The following CYFIP2 variants were observed in gnomAD, a reference collection of about 807,000 sequenced individuals.
CYFIP2 encodes cytoplasmic FMR1 interacting protein 2, also known as cytoplasmic FMR1-interacting protein 2.
Under a neutral mutation model 158.7 loss-of-function variants are expected in CYFIP2, and 29 were observed. The observed-to-expected ratio is 0.18, with a 90% CI of 0.14 to 0.25. The LOEUF is 0.25. Among genes scored for constraint, CYFIP2 ranks in the 10% least tolerant of loss-of-function variants. CYFIP2 has a pLI of 1.00. For missense variants in CYFIP2, 852 were observed against 1,639.5 expected, an observed-to-expected ratio of 0.52 and a Z score of 8.29; for synonymous variants, 585 against 617.6, an observed-to-expected ratio of 0.95 and a Z score of 0.78.
At chr5:157,352,217 G>C (rs1763120056) in intron 23 of CYFIP2, among the ~76,000 whole-genome samples, 1 of 152,146 alleles carries the variant, frequency 6.6e-6, no homozygotes, top group African/African-American at 2.4e-5. Flanking sequence ...GGTGTGATCT[G>C]TTTGGCCTGG....
At chr5:157,325,354 C>T in intron 16 of CYFIP2, 128 bp from the exon 17 acceptor site, 1 of 1,005,604 alleles carries the variant, frequency 9.9e-7, no homozygotes, top group Non-Finnish European at 1.3e-6. Flanking sequence ...GCAGGATCTA[C>T]TAATCAATAT....
intron 30 of CYFIP2, among the ~76,000 whole-genome samples, chr5:157,391,864 G>C (rs186274889): frequency 6.6e-6 from 1 of 152,256 alleles, no homozygotes; most frequent in East Asian, 1.9e-4. Context: ...GTTTTCCATA[G>C]TGGCTGCACA....
At chr5:157,279,363 A>T (rs979628653) in intron 1 of CYFIP2, among the ~76,000 whole-genome samples, 7 of 152,382 alleles carry the variant, frequency 4.6e-5, no homozygotes, top group African/African-American at 1.7e-4. Flanking sequence ...AAAAGTCTTA[A>T]TATTTCATTT....
intron 2 of CYFIP2, among the ~76,000 whole-genome samples, chr5:157,286,265 A>G (rs1757367671): frequency 6.6e-6 from 1 of 151,946 alleles, no homozygotes; most frequent in South Asian, 2.1e-4. Context: ...AGAAAAGTAT[A>G]CAAAAAAGTA....
At chr5:157,317,680 T>C (rs769763744) in intron 13 of CYFIP2, among the ~76,000 whole-genome samples, 3 of 152,228 alleles carry the variant, frequency 2.0e-5, no homozygotes, top group Non-Finnish European at 2.9e-5. Context: ...CACGCTCTAA[T>C]GTGAATCCAT....
chr5:157,274,674 T>G (rs559036718), intron 1 of CYFIP2, among the ~76,000 whole-genome samples: 4 of 152,342 alleles, frequency 2.6e-5, no homozygotes, highest in Non-Finnish European at 4.4e-5. Context: ...TGCGGCACCA[T>G]CTTACATTCC....
intron 23 of CYFIP2, among the ~76,000 whole-genome samples, chr5:157,352,955 C>T (rs1328971402): frequency 2.0e-5 from 3 of 152,178 alleles, no homozygotes; most frequent in African/African-American, 7.2e-5. Flanking sequence ...CAGCTGCAAG[C>T]CCGGGATTGC....
intron 3 of CYFIP2, among the ~76,000 whole-genome samples, chr5:157,291,877 AAG>A (rs1367949072): frequency 1.3e-5 from 2 of 152,372 alleles, no homozygotes; most frequent in Non-Finnish European, 2.9e-5. Context: ...CATTTATAAA[AAG>A]AGATGGCCTA....
intron 8 of CYFIP2, chr5:157,304,817 G>C (rs1759080091): frequency 6.5e-6 from 1 of 154,262 alleles, no homozygotes. Flanking sequence ...TTGTTGCATG[G>C]AAAAGTTCTT....
At chr5:157,391,561 T>C (rs921900019) in intron 30 of CYFIP2, among the ~76,000 whole-genome samples, 7 of 152,206 alleles carry the variant, frequency 4.6e-5, no homozygotes, top group Admixed American at 3.9e-4. Flanking sequence ...GTGACTGGCT[T>C]ATTTTAGTTA....
intron 18 of CYFIP2, among the ~76,000 whole-genome samples, chr5:157,327,065 C>T (rs1198616305): frequency 6.6e-6 from 1 of 152,154 alleles, no homozygotes; most frequent in African/African-American, 2.4e-5. Context: ...TGCCTTTGCC[C>T]CATCTCATGG....
intron 21 of CYFIP2, among the ~76,000 whole-genome samples, chr5:157,333,719 A>C (rs2113196684): frequency 6.6e-6 from 1 of 152,356 alleles, no homozygotes; most frequent in South Asian, 2.1e-4. Flanking sequence ...AGGATCCTGC[A>C]GGCTGAGCAA....
At chr5:157,379,509 T>C (rs1765824789) in intron 26 of CYFIP2, among the ~76,000 whole-genome samples, 1 of 151,332 alleles carries the variant, frequency 6.6e-6, no homozygotes, top group Admixed American at 6.6e-5. Flanking sequence ...CCCAACTCTG[T>C]CTCTACAAAA....
At chr5:157,284,754 G>A (rs61249101) in intron 1 of CYFIP2, among the ~76,000 whole-genome samples, 2,182 of 152,322 alleles carry the variant, frequency 0.014, 59 homozygotes, top group African/African-American at 0.048. Flanking sequence ...ACATACCCAG[G>A]TCAAGGAAGA....
intron 23 of CYFIP2, among the ~76,000 whole-genome samples, chr5:157,347,667 G>A (rs1762793893): frequency 6.6e-6 from 1 of 152,190 alleles, no homozygotes; most frequent in African/African-American, 2.4e-5. Flanking sequence ...GGAGGAACAA[G>A]GTAGAACTCA....
At chr5:157,294,744 G>C in intron 3 of CYFIP2, 39 bp from the exon 4 acceptor site, 1 of 1,595,078 alleles carries the variant, frequency 6.3e-7, no homozygotes, top group Non-Finnish European at 8.6e-7. Context: ...GGTGGCACCC[G>C]TCTTGTTCCT....
intron 28 of CYFIP2, among the ~76,000 whole-genome samples, chr5:157,385,904 C>A (rs1407081252): frequency 6.6e-6 from 1 of 151,942 alleles, no homozygotes; most frequent in Non-Finnish European, 1.5e-5. Flanking sequence ...GAAATACTCC[C>A]CACCGAGGGG....
At chr5:157,371,630 A>G (rs1313838947) in intron 26 of CYFIP2, among the ~76,000 whole-genome samples, 1 of 152,212 alleles carries the variant, frequency 6.6e-6, no homozygotes, top group Non-Finnish European at 1.5e-5. Context: ...CTCATAGACT[A>G]AGTGAGTTGG....
chr5:157,333,204 C>T, intron 20 of CYFIP2, 123 bp from the exon 21 acceptor site: 1 of 1,268,934 alleles, frequency 7.9e-7, no homozygotes, highest in Non-Finnish European at 1.1e-6. Context: ...CTCCAGGAAA[C>T]CCCTCCCACC....
Sources: allele counts gnomAD v4.1 joint callset (sites outside exome capture counted in the v4.1 genomes callset), GRCh38; gene constraint gnomAD v4.1.1; transcripts MANE v1.5; gene names NCBI Gene and HGNC (gene_info 2026-07-23, HGNC 2026-07-21).